CLSTN2: variants seen among roughly 807,000 people sequenced by gnomAD.
CLSTN2 encodes the protein calsyntenin 2, also known as calsyntenin-2.
In CLSTN2, 48 loss-of-function variants were observed where a neutral mutation model predicts 101.2. That is an observed-to-expected ratio of 0.47 (90% CI 0.38 to 0.60). The LOEUF is 0.60. Ranked by LOEUF, CLSTN2 falls within the 20% of genes least tolerant of loss-of-function variation. CLSTN2 has a pLI of 0.00. For missense variants in CLSTN2, 1,160 were observed against 1,238.2 expected, an observed-to-expected ratio of 0.94 and a Z score of 0.95; for synonymous variants, 481 against 463.6, an observed-to-expected ratio of 1.04 and a Z score of -0.48.
chr3:140,193,306 C>A (rs543116045), intron 2 of CLSTN2, among the ~76,000 whole-genome samples: 45 of 139,664 alleles, frequency 3.2e-4, no homozygotes, highest in Admixed American at 8.6e-4. Flanking sequence ...TTCCTTTAAC[C>A]ACCTTTCTTT....
chr3:140,533,806 G>A (rs1259344727), intron 9 of CLSTN2, among the ~76,000 whole-genome samples: 1 of 151,538 alleles, frequency 6.6e-6, no homozygotes, highest in Non-Finnish European at 1.5e-5. Flanking sequence ...GTTGGACAAA[G>A]TGAGTTATGG....
At chr3:140,478,900 AAGG>A (rs1934052835) in intron 8 of CLSTN2, among the ~76,000 whole-genome samples, 1 of 150,502 alleles carries the variant, frequency 6.6e-6, no homozygotes, top group South Asian at 2.1e-4. Flanking sequence ...GGAAGGAAGG[AAGG>A]AAGGGAGGCA....
intron 2 of CLSTN2, among the ~76,000 whole-genome samples, chr3:140,241,579 C>T (rs144118855): frequency 2.1e-3 from 322 of 152,218 alleles, no homozygotes; most frequent in Non-Finnish European, 3.5e-3. Context: ...GACTCTTCTG[C>T]ACAAGTGACT....
At chr3:140,456,614 C>G (rs1411139407) in intron 6 of CLSTN2, among the ~76,000 whole-genome samples, 1 of 151,992 alleles carries the variant, frequency 6.6e-6, no homozygotes, top group Non-Finnish European at 1.5e-5. Context: ...TGGTGAAACC[C>G]CATCTCTTCT....
intron 6 of CLSTN2, chr3:140,454,850 C>A (rs1428348740): frequency 6.6e-6 from 1 of 152,214 alleles, no homozygotes; most frequent in Non-Finnish European, 1.5e-5. Context: ...TTTCATCTAT[C>A]AGAGCAAGTC....
chr3:140,079,766 GA>G (rs143411115), intron 1 of CLSTN2, among the ~76,000 whole-genome samples: 1 of 134,792 alleles, frequency 7.4e-6, no homozygotes, highest in African/African-American at 3.1e-5. Context: ...AAAAAAGAAA[GA>G]AAAAAAAGAA....
chr3:140,503,453 G>A (rs1050609778), intron 8 of CLSTN2, among the ~76,000 whole-genome samples: 1 of 152,158 alleles, frequency 6.6e-6, no homozygotes, highest in Non-Finnish European at 1.5e-5. Context: ...GGAGCAATAG[G>A]CTGTACCATA....
intron 8 of CLSTN2, among the ~76,000 whole-genome samples, chr3:140,472,022 A>T (rs1933861135): frequency 1.3e-5 from 2 of 152,204 alleles, no homozygotes; most frequent in African/African-American, 4.8e-5. Context: ...TCCTCTTAAG[A>T]GGATTCACCT....
intron 1 of CLSTN2, among the ~76,000 whole-genome samples, chr3:140,047,058 T>G (rs1219299316): frequency 2.0e-5 from 3 of 152,172 alleles, no homozygotes; most frequent in Non-Finnish European, 4.4e-5. Flanking sequence ...CCATGTTGCT[T>G]CCACCAAGAT....
chr3:140,442,821 T>G (rs982645823), intron 5 of CLSTN2, among the ~76,000 whole-genome samples: 12 of 152,182 alleles, frequency 7.9e-5, no homozygotes, highest in Non-Finnish European at 1.8e-4. Context: ...ATTCATCATC[T>G]GACCTTCTTT....
At chr3:140,521,048 ATTTTTT>A (rs57840726) in intron 8 of CLSTN2, among the ~76,000 whole-genome samples, 3 of 125,490 alleles carry the variant, frequency 2.4e-5, no homozygotes, top group Non-Finnish European at 1.7e-5. Context: ...GCTTTTTTGC[ATTTTTT>A]TTTTTTTTTT....
intron 5 of CLSTN2, among the ~76,000 whole-genome samples, chr3:140,441,756 G>T (rs72983197): frequency 0.029 from 4,456 of 152,212 alleles, 217 homozygotes; most frequent in African/African-American, 0.1. Context: ...ACTCCCTTCC[G>T]CAAAGGCCTT....
intron 7 of CLSTN2, among the ~76,000 whole-genome samples, chr3:140,464,272 A>T (rs778077542): frequency 6.6e-6 from 1 of 152,212 alleles, no homozygotes; most frequent in Non-Finnish European, 1.5e-5. Flanking sequence ...ATTGTGGGCC[A>T]CCAAGCCACG....
intron 5 of CLSTN2, among the ~76,000 whole-genome samples, chr3:140,428,746 G>A (rs2088598545): frequency 1.3e-5 from 2 of 152,212 alleles, no homozygotes; most frequent in Admixed American, 1.3e-4. Flanking sequence ...GAGAGATGCA[G>A]CCACATAATT....
intron 1 of CLSTN2, among the ~76,000 whole-genome samples, chr3:140,037,014 A>ATT (rs1404304978): frequency 4.6e-5 from 7 of 152,196 alleles, no homozygotes; most frequent in Admixed American, 2.6e-4. Flanking sequence ...TTTGGAGTAT[A>ATT]ATTTATAATT....
chr3:140,227,433 C>T (rs1370695886), intron 2 of CLSTN2, among the ~76,000 whole-genome samples: 1 of 152,210 alleles, frequency 6.6e-6, no homozygotes, highest in Non-Finnish European at 1.5e-5. Flanking sequence ...ACTGTGGCTT[C>T]ACAGGGTACA....
chr3:139,942,811 C>T (rs909114589), intron 1 of CLSTN2, among the ~76,000 whole-genome samples: 3 of 152,158 alleles, frequency 2.0e-5, no homozygotes, highest in Admixed American at 6.5e-5. Context: ...AGCTAGGTGA[C>T]ATCTTGGACC....
intron 2 of CLSTN2, among the ~76,000 whole-genome samples, chr3:140,309,549 G>A (rs748591677): frequency 6.6e-6 from 1 of 152,038 alleles, no homozygotes; most frequent in Non-Finnish European, 1.5e-5. Context: ...TCACAAGCAG[G>A]GCATAGGTGA....
At chr3:140,381,452 G>A (rs1188460826) in intron 2 of CLSTN2, among the ~76,000 whole-genome samples, 1 of 152,190 alleles carries the variant, frequency 6.6e-6, no homozygotes, top group East Asian at 1.9e-4. Context: ...ACCATACAGT[G>A]TCTTTGAACC....
Sources: gnomAD v4.1 joint callset for allele counts (sites outside exome capture counted in the v4.1 genomes callset) on GRCh38, gnomAD v4.1.1 for gene constraint, MANE v1.5 for transcripts, NCBI Gene and HGNC (gene_info 2026-07-23, HGNC 2026-07-21) for gene names.